The following PRDM6 variants were observed in gnomAD, a reference collection of about 807,000 sequenced individuals.
PRDM6 encodes PR/SET domain 6, also known as putative histone-lysine N-methyltransferase PRDM6.
A neutral mutation model predicts 60.8 loss-of-function variants in PRDM6; 25 were observed. The observed-to-expected ratio is 0.41, with a 90% confidence interval of 0.30 to 0.57. PRDM6 has a LOEUF of 0.57. Among genes scored for constraint, PRDM6 ranks in the 20% least tolerant of loss-of-function variants. PRDM6 has a pLI of 0.27. For missense variants in PRDM6, 839 were observed against 821.3 expected (o/e 1.02, Z -0.26); for synonymous variants, 407 against 357.4 (o/e 1.14, Z -1.57).
intron 3 of PRDM6, among the ~76,000 whole-genome samples, chr5:123,147,705 T>C (rs1765278465): frequency 2.6e-5 from 4 of 152,212 alleles, no homozygotes; most frequent in Non-Finnish European, 5.9e-5. Flanking sequence ...TTCCAGCATA[T>C]ATGCTTTTGC....
chr5:123,169,861 C>T (rs924115619), intron 5 of PRDM6, among the ~76,000 whole-genome samples: 3 of 152,162 alleles, frequency 2.0e-5, no homozygotes, highest in African/African-American at 7.2e-5. Flanking sequence ...GACCACTTAG[C>T]TAATAAGAGG....
chr5:123,127,688 TTTTCTTTCTC>T (rs1561833521), intron 3 of PRDM6, among the ~76,000 whole-genome samples: 1 of 151,366 alleles, frequency 6.6e-6, no homozygotes. Context: ...TCTTTCTTTC[TTTTCTTTCTC>T]TTTCTTTCTT....
intron 3 of PRDM6, among the ~76,000 whole-genome samples, chr5:123,120,964 T>C (rs1009439514): frequency 6.6e-6 from 1 of 152,252 alleles, no homozygotes; most frequent in Non-Finnish European, 1.5e-5. Flanking sequence ...TAGTGGGTAC[T>C]TATTAAATGT....
chr5:123,139,501 G>A (rs412618), intron 3 of PRDM6, among the ~76,000 whole-genome samples: 109,789 of 151,908 alleles, frequency 0.72, 39,834 homozygotes, highest in Non-Finnish European at 0.75. Flanking sequence ...TTTTGTATCT[G>A]TTTTTTTGGG....
intron 6 of PRDM6, among the ~76,000 whole-genome samples, chr5:123,179,189 C>T (rs1766084386): frequency 6.6e-6 from 1 of 152,112 alleles, no homozygotes; most frequent in African/African-American, 2.4e-5. Flanking sequence ...TTATGAAAAC[C>T]AAAAATTGAT....
intron 3 of PRDM6, among the ~76,000 whole-genome samples, chr5:123,142,903 C>CAA (rs1337695138): frequency 5.9e-5 from 4 of 68,112 alleles, no homozygotes; most frequent in Non-Finnish European, 8.4e-5. Flanking sequence ...AAAAAAAAAA[C>CAA]AAACAAACCA....
chr5:123,147,307 G>GAGAA (rs1309614411), intron 3 of PRDM6, among the ~76,000 whole-genome samples: 3 of 149,038 alleles, frequency 2.0e-5, no homozygotes, highest in African/African-American at 7.4e-5. Context: ...GAGAGAGAGA[G>GAGAA]AAAACGAACA....
chr5:123,185,183 C>T (rs1384218420), intron 7 of PRDM6, among the ~76,000 whole-genome samples: 1 of 152,156 alleles, frequency 6.6e-6, no homozygotes, highest in East Asian at 1.9e-4. Flanking sequence ...CACTAAACTG[C>T]CAACTCGTGT....
At chr5:123,151,252 G>A (rs1765362428) in intron 3 of PRDM6, among the ~76,000 whole-genome samples, 1 of 152,112 alleles carries the variant, frequency 6.6e-6, no homozygotes, top group Non-Finnish European at 1.5e-5. Context: ...GAGGGCGTCT[G>A]AAATGTCTCC....
chr5:123,138,598 GT>G (rs1765024484), intron 3 of PRDM6, among the ~76,000 whole-genome samples: 1 of 152,114 alleles, frequency 6.6e-6, no homozygotes, highest in Non-Finnish European at 1.5e-5. Flanking sequence ...AACTAGTAAA[GT>G]TTTTTGTCAA....
chr5:123,178,757 C>T (rs1194507071), intron 6 of PRDM6, among the ~76,000 whole-genome samples: 1 of 152,166 alleles, frequency 6.6e-6, no homozygotes, highest in Non-Finnish European at 1.5e-5. Flanking sequence ...TTCAGTGAGG[C>T]AAGTGGCCAC....
intron 3 of PRDM6, among the ~76,000 whole-genome samples, chr5:123,138,207 G>A (rs1275815511): frequency 6.6e-6 from 1 of 152,206 alleles, no homozygotes; most frequent in Non-Finnish European, 1.5e-5. Flanking sequence ...GTGAATATTG[G>A]TAAATAATAT....
chr5:123,181,643 G>A (rs1330259848), intron 7 of PRDM6, among the ~76,000 whole-genome samples: 3 of 152,170 alleles, frequency 2.0e-5, no homozygotes, highest in Non-Finnish European at 2.9e-5. Context: ...ACCGCCTTAT[G>A]TACCTTCTGT....
intron 3 of PRDM6, among the ~76,000 whole-genome samples, chr5:123,106,345 G>A (rs752329289): frequency 2.6e-5 from 4 of 152,146 alleles, no homozygotes; most frequent in African/African-American, 4.8e-5. Context: ...TTGCTTCAGC[G>A]CATCCAGCAT....
At position 123,091,480 on chromosome 5, in the gene PRDM6, G is replaced by T. The variant is rs541109334; in HGVS notation, c.592+874G>T. On this transcript the variant is annotated intron_variant, in intron 2 of 7. Coordinates refer to ENST00000407847, the MANE Select transcript of PRDM6 (RefSeq NM_001136239.4). ...AAACATCAGAATTCCTGTAGCTTCG[G>T]TTTCTATATTCACAATTTGAAACGC... is the stretch of plus-strand genomic sequence containing the variant. Among the ~76,000 whole-genome samples, 3 of 152,262 alleles carry T rather than the reference G, an allele frequency of 2.0e-5. No homozygotes were observed. The South Asian group carries it at 6.2e-4, about 32-fold the overall frequency.
intron 5 of PRDM6, among the ~76,000 whole-genome samples, chr5:123,169,265 C>T (rs766441705): frequency 9.2e-5 from 14 of 152,090 alleles, no homozygotes; most frequent in Non-Finnish European, 2.1e-4. Flanking sequence ...ACTTCTGGAC[C>T]TATGAAATGA....
At chr5:123,101,693 A>G (rs1260066138) in intron 3 of PRDM6, among the ~76,000 whole-genome samples, 3 of 152,246 alleles carry the variant, frequency 2.0e-5, no homozygotes, top group African/African-American at 4.8e-5. Context: ...GGACAAAGAC[A>G]TAAACATGAA....
chr5:123,186,865 A>T (rs1200960894), intron 7 of PRDM6, among the ~76,000 whole-genome samples: 1 of 152,122 alleles, frequency 6.6e-6, no homozygotes, highest in Non-Finnish European at 1.5e-5. Context: ...TGGAGAAATC[A>T]CCTTCCCCCT....
At chr5:123,122,185 A>AAT (rs1554086801) in intron 3 of PRDM6, among the ~76,000 whole-genome samples, 24 of 151,378 alleles carry the variant, frequency 1.6e-4, no homozygotes, top group African/African-American at 5.8e-4. Flanking sequence ...AAAAAAAAAA[A>AAT]AGAATTCCTG....
Sources: gnomAD v4.1 joint callset for allele counts (sites outside exome capture counted in the v4.1 genomes callset) on GRCh38, gnomAD v4.1.1 for gene constraint, MANE v1.5 for transcripts, NCBI Gene and HGNC (gene_info 2026-07-23, HGNC 2026-07-21) for gene names.